SLC9A9: variants seen among roughly 807,000 people sequenced by gnomAD.
SLC9A9 encodes solute carrier family 9 member A9, also known as sodium/hydrogen exchanger 9.
A neutral mutation model predicts 77.8 loss-of-function variants in SLC9A9; 62 were observed. The observed-to-expected ratio is 0.80, with a 90% CI of 0.65 to 0.98. SLC9A9 has a LOEUF of 0.98. Among genes scored for constraint, SLC9A9 ranks in the 50% least tolerant of loss-of-function variants. The pLI is 0.00. For synonymous variants in SLC9A9, 320 were observed against 283.5 expected (o/e 1.13, Z -1.29); for missense variants, 775 against 774.9 (o/e 1.00, Z 0.00).
intron 9 of SLC9A9, among the ~76,000 whole-genome samples, chr3:143,522,329 T>A (rs1358216765): frequency 6.6e-6 from 1 of 152,140 alleles, no homozygotes; most frequent in Non-Finnish European, 1.5e-5. Context: ...TTTAATTCAA[T>A]CCCTATTTAT....
chr3:143,603,339 A>G (rs973941612), intron 6 of SLC9A9, among the ~76,000 whole-genome samples: 1 of 152,154 alleles, frequency 6.6e-6, no homozygotes, highest in Non-Finnish European at 1.5e-5. Context: ...GACACTTGGT[A>G]TTCACGCCCT....
intron 11 of SLC9A9, among the ~76,000 whole-genome samples, chr3:143,467,508 T>G (rs1028708228): frequency 6.6e-6 from 1 of 152,058 alleles, no homozygotes; most frequent in Non-Finnish European, 1.5e-5. Context: ...CTTTGGGAAG[T>G]TGAAGTGGGA....
At chr3:143,791,186 G>T (rs1268246827) in intron 4 of SLC9A9, among the ~76,000 whole-genome samples, 1 of 152,166 alleles carries the variant, frequency 6.6e-6, no homozygotes, top group Admixed American at 6.5e-5. Flanking sequence ...TACTAGAGAA[G>T]GTAGGTGAAT....
intron 1 of SLC9A9, among the ~76,000 whole-genome samples, chr3:143,841,787 C>T (rs888049143): frequency 3.1e-4 from 2 of 6,402 alleles, no homozygotes; most frequent in Non-Finnish European, 1.3e-3. Flanking sequence ...ATACAGTCTT[C>T]CCGTCACCTA....
intron 1 of SLC9A9, among the ~76,000 whole-genome samples, chr3:143,844,916 G>GC (rs1207331986): frequency 1.3e-5 from 2 of 151,730 alleles, no homozygotes; most frequent in African/African-American, 2.4e-5. Flanking sequence ...TTATCACCAT[G>GC]CCCCCCTGCT....
intron 12 of SLC9A9, among the ~76,000 whole-genome samples, chr3:143,450,074 A>ACCCACAT (rs2034974905): frequency 9.1e-6 from 1 of 110,340 alleles, no homozygotes; most frequent in African/African-American, 3.4e-5. Context: ...ATGTATATAT[A>ACCCACAT]ATATAACATA....
At chr3:143,709,114 G>C (rs1055539835) in intron 4 of SLC9A9, among the ~76,000 whole-genome samples, 2 of 152,250 alleles carry the variant, frequency 1.3e-5, no homozygotes, top group South Asian at 4.1e-4. Context: ...ACAGGCGTGG[G>C]CGGCAAAAGT....
At chr3:143,716,661 G>A (rs1022942221) in intron 4 of SLC9A9, among the ~76,000 whole-genome samples, 3 of 151,992 alleles carry the variant, frequency 2.0e-5, no homozygotes, top group African/African-American at 7.3e-5. Context: ...TCCAGAATAG[G>A]GTTACCAGTT....
chr3:143,365,772 C>T (rs149261408), intron 13 of SLC9A9, among the ~76,000 whole-genome samples: 1 of 152,330 alleles, frequency 6.6e-6, no homozygotes, highest in Non-Finnish European at 1.5e-5. Flanking sequence ...ATGACTGTTG[C>T]ACACAGTGTT....
chr3:143,522,469 C>T (rs1220179154), intron 9 of SLC9A9, among the ~76,000 whole-genome samples: 5 of 152,138 alleles, frequency 3.3e-5, no homozygotes, highest in Non-Finnish European at 7.4e-5. Context: ...ATACTCATGA[C>T]AGGCATTTAG....
At chr3:143,798,914 C>T (rs1327092418) in intron 2 of SLC9A9, among the ~76,000 whole-genome samples, 1 of 152,100 alleles carries the variant, frequency 6.6e-6, no homozygotes, top group Non-Finnish European at 1.5e-5. Flanking sequence ...TGACCTCTCC[C>T]CTCCTCCCCA....
chr3:143,419,553 T>G (rs767338722), intron 12 of SLC9A9, among the ~76,000 whole-genome samples: 1 of 152,192 alleles, frequency 6.6e-6, no homozygotes, highest in Non-Finnish European at 1.5e-5. Context: ...TATCTCCCTC[T>G]TCCCCACGTC....
chr3:143,597,861 G>A (rs1480580563), intron 6 of SLC9A9, among the ~76,000 whole-genome samples: 1 of 152,186 alleles, frequency 6.6e-6, no homozygotes, highest in Non-Finnish European at 1.5e-5. Context: ...GCAGAAAACT[G>A]GCTTCAATTA....
rs766556053 is a variant in SLC9A9 at position 143,574,196 on chromosome 3, G to C, written c.895-3C>G. 6.2e-7 allele frequency: 1 copy of C among 1,611,584 alleles called. No homozygotes were observed. The highest frequency in any genetic ancestry group is 8.5e-7 in the Non-Finnish European group (1 of 1,178,262). On this transcript the variant is annotated splice_region_variant and splice_polypyrimidine_tract_variant and intron_variant, in intron 7 of 15. Coordinates refer to ENST00000316549, the MANE Select transcript of SLC9A9 (RefSeq NM_173653.4). ...CACAGCTTGGTAAATTTGGTCAAGT[G>C]AGGAAGATAAGTTAAGGGAAACAAC...
chr3:143,639,545 C>T (rs982214879), intron 6 of SLC9A9, among the ~76,000 whole-genome samples: 7 of 150,928 alleles, frequency 4.6e-5, no homozygotes, highest in African/African-American at 1.5e-4. Context: ...ATAAAAGAAT[C>T]ACAGAATCAA....
rs111978610 is a variant in SLC9A9 at position 143,749,090 on chromosome 3, T to C, written c.533+45911A>G. 6.6e-3 allele frequency among the ~76,000 whole-genome samples: 1,007 copies of C among 152,302 alleles called. 12 individuals are homozygous for C. Among genetic ancestry groups the C allele is most frequent in the Non-Finnish European group, 0.01 (686 of 68,030 alleles). The stretch of plus-strand genomic sequence containing the variant: ...AATAATACTAATAAAGGTGCAAATA[T>C]AGACTAGTGAAGAAAATTTAAAGCA... On this transcript the variant is annotated intron_variant, in intron 4 of 15. Coordinates refer to ENST00000316549, the MANE Select transcript of SLC9A9 (RefSeq NM_173653.4).
At chr3:143,770,620 C>T (rs2007483808) in intron 4 of SLC9A9, among the ~76,000 whole-genome samples, 1 of 151,962 alleles carries the variant, frequency 6.6e-6, no homozygotes, top group Non-Finnish European at 1.5e-5. Context: ...TTGAGGAAAA[C>T]AAGAGGAAGA....
chr3:143,355,750 T>C (rs2032568667), intron 14 of SLC9A9, among the ~76,000 whole-genome samples: 1 of 152,206 alleles, frequency 6.6e-6, no homozygotes, highest in Non-Finnish European at 1.5e-5. Context: ...TGGCATGTGG[T>C]AGACTTGATA....
chr3:143,679,621 A>G (rs1259007200), intron 5 of SLC9A9, among the ~76,000 whole-genome samples: 1 of 152,194 alleles, frequency 6.6e-6, no homozygotes, highest in African/African-American at 2.4e-5. Flanking sequence ...GAGGCTTAAC[A>G]TCACTACCCT....
Sources: gnomAD v4.1 joint callset for allele counts (sites outside exome capture counted in the v4.1 genomes callset) on GRCh38, gnomAD v4.1.1 for gene constraint, MANE v1.5 for transcripts, NCBI Gene and HGNC (gene_info 2026-07-23, HGNC 2026-07-21) for gene names.